SGCZ: variants seen among roughly 807,000 people sequenced by gnomAD.
SGCZ encodes sarcoglycan zeta, also known as zeta-sarcoglycan.
In SGCZ, 40 loss-of-function variants were observed where a neutral mutation model predicts 41.3. The ratio of observed to expected loss-of-function variants is 0.97; its 90% confidence interval spans 0.75 to 1.26. SGCZ has a LOEUF of 1.26. Among genes scored for constraint, SGCZ ranks in the 50% most tolerant of loss-of-function variants. SGCZ has a pLI of 0.00. For missense variants in SGCZ, 552 were observed against 369.8 expected (o/e 1.49, Z -4.04); for synonymous variants, 206 against 137.5 (o/e 1.50, Z -3.49).
chr8:14,382,032 T>C (rs915487913), intron 2 of SGCZ, among the ~76,000 whole-genome samples: 16 of 152,172 alleles, frequency 1.1e-4, no homozygotes, highest in Non-Finnish European at 2.1e-4. Flanking sequence ...TTGCTAACTC[T>C]TGTTGAAATT....
intron 2 of SGCZ, among the ~76,000 whole-genome samples, chr8:14,414,222 G>A (rs75934695): frequency 0.02 from 3,067 of 151,524 alleles, 98 homozygotes; most frequent in African/African-American, 0.068. Flanking sequence ...ACACGCACAC[G>A]CTAGAGAGAG....
chr8:14,961,548 A>G (rs916766794), intron 1 of SGCZ, among the ~76,000 whole-genome samples: 1 of 152,058 alleles, frequency 6.6e-6, no homozygotes, highest in Non-Finnish European at 1.5e-5. Context: ...CTCTCTTATT[A>G]TTTTTGTTAA....
At chr8:14,549,521 TAA>T (rs1803735642) in intron 2 of SGCZ, among the ~76,000 whole-genome samples, 1 of 151,952 alleles carries the variant, frequency 6.6e-6, no homozygotes. Context: ...TTTTAAAACT[TAA>T]AAAAAGTCAG....
chr8:15,060,670 T>TA (rs34503809), intron 1 of SGCZ, among the ~76,000 whole-genome samples: 43 of 144,112 alleles, frequency 3.0e-4, no homozygotes, highest in African/African-American at 7.0e-4. Flanking sequence ...CTTAAAGTAT[T>TA]AAAAAAAAAA....
chr8:14,361,612 G>A (rs4330692), intron 2 of SGCZ, among the ~76,000 whole-genome samples: 136,454 of 152,186 alleles, frequency 0.9, 62,722 homozygotes, highest in Non-Finnish European at 0.99. Context: ...GCTTCCTTGC[G>A]ATGGGTTAGA....
chr8:14,411,381 T>C (rs918884124), intron 2 of SGCZ, among the ~76,000 whole-genome samples: 4 of 152,146 alleles, frequency 2.6e-5, no homozygotes, highest in African/African-American at 7.2e-5. Flanking sequence ...CTGTTACTTA[T>C]GGAAATTCTT....
intron 7 of SGCZ, among the ~76,000 whole-genome samples, chr8:14,092,262 G>T (rs535460810): frequency 6.6e-6 from 1 of 152,110 alleles, no homozygotes; most frequent in East Asian, 1.9e-4. Context: ...GATGCCTCCA[G>T]CTTTGTTCTT....
At position 14,976,202 on chromosome 8, in the gene SGCZ, T is replaced by C. The variant is rs368064499; in HGVS notation, c.39+261383A>G. ...ACACCCGGCTAATTTTTTGTGTTTT[T>C]AGTAGACACATGGTTTCACCATGTT... is the stretch of plus-strand genomic sequence containing the variant. On this transcript the variant is annotated intron_variant, in intron 1 of 7. Transcript: ENST00000382080. Among the ~76,000 whole-genome samples, 99 of 151,878 alleles carry C rather than the reference T, an allele frequency of 6.5e-4. No homozygotes were observed. In the East Asian group the frequency reaches 0.013, roughly 20 times the overall value.
At chr8:15,080,461 C>G (rs1369298752) in intron 1 of SGCZ, among the ~76,000 whole-genome samples, 1 of 152,090 alleles carries the variant, frequency 6.6e-6, no homozygotes, top group African/African-American at 2.4e-5. Context: ...TTGTGCACCC[C>G]CAACGCCAGC....
At chr8:15,112,484 C>G (rs185960244) in intron 1 of SGCZ, among the ~76,000 whole-genome samples, 1 of 152,208 alleles carries the variant, frequency 6.6e-6, no homozygotes, top group Non-Finnish European at 1.5e-5. Context: ...TTAAAAACAT[C>G]TCTTCCTATT....
At chr8:14,915,348 G>C (rs13266627) in intron 1 of SGCZ, among the ~76,000 whole-genome samples, 1 of 152,104 alleles carries the variant, frequency 6.6e-6, no homozygotes, top group African/African-American at 2.4e-5. Flanking sequence ...AAATCACTTA[G>C]GGAGAAAGTA....
chr8:14,199,901 A>C lies in SGCZ; in HGVS notation c.425-35199T>G, dbSNP rs528871494. ...CTATCCATACAATTCTAAAGAAGGA[A>C]AAATAAAATTTGATACTAGTTTTGC... is the stretch of plus-strand genomic sequence containing the variant. On this transcript the variant is annotated intron_variant, in intron 4 of 7. Transcript: ENST00000382080. Among the ~76,000 whole-genome samples, 9 of 152,354 alleles carry C rather than the reference A, an allele frequency of 5.9e-5. No individual in the cohort carries two copies. The South Asian group carries it at 1.7e-3, about 28-fold the overall frequency.
rs1312917736 is a variant in SGCZ at position 14,342,716 on chromosome 8, A to G, written c.235-18512T>C. ...GGAAGCAGAGCATAAAGGCTTGGAA[A>G]TTATGCAGGCTGATTATGTGATAGA... On this transcript the variant is annotated intron_variant, in intron 2 of 7. Coordinates refer to ENST00000382080, the MANE Select transcript of SGCZ (RefSeq NM_139167.4). Among the ~76,000 whole-genome samples, 3 of 152,306 alleles carry G rather than the reference A, an allele frequency of 2.0e-5. No individual in the cohort carries two copies. In the East Asian group the frequency reaches 5.8e-4, roughly 29 times the overall value.
chr8:14,883,098 G>C (rs891672631), intron 1 of SGCZ, among the ~76,000 whole-genome samples: 3 of 151,636 alleles, frequency 2.0e-5, no homozygotes, highest in Admixed American at 2.0e-4. Context: ...AAATTTACAT[G>C]GTCTCTTCTC....
At chr8:14,140,441 C>G (rs1346816224) in intron 5 of SGCZ, among the ~76,000 whole-genome samples, 3 of 152,156 alleles carry the variant, frequency 2.0e-5, no homozygotes, top group Non-Finnish European at 4.4e-5. Flanking sequence ...AGCCCAAAAT[C>G]TCCTTAAGCT....
chr8:14,204,408 G>C (rs1477698726), intron 4 of SGCZ, among the ~76,000 whole-genome samples: 2 of 151,964 alleles, frequency 1.3e-5, no homozygotes, highest in Non-Finnish European at 1.5e-5. Context: ...TATTTGAGCA[G>C]CTCAGGTCTA....
At chr8:14,428,076 G>A (rs185485613) in intron 2 of SGCZ, among the ~76,000 whole-genome samples, 96 of 150,596 alleles carry the variant, frequency 6.4e-4, no homozygotes, top group African/African-American at 2.2e-3. Context: ...ATCAAACCCC[G>A]CAGATACTGA....
chr8:14,785,867 T>C (rs1255429836), intron 1 of SGCZ, among the ~76,000 whole-genome samples: 1 of 152,082 alleles, frequency 6.6e-6, no homozygotes, highest in Non-Finnish European at 1.5e-5. Flanking sequence ...CTCCCAAGGC[T>C]AATTGTGGAA....
intron 1 of SGCZ, among the ~76,000 whole-genome samples, chr8:14,950,047 T>G (rs1800581597): frequency 6.6e-6 from 1 of 152,054 alleles, no homozygotes; most frequent in Non-Finnish European, 1.5e-5. Flanking sequence ...TACTAAAGGC[T>G]TTCAAAACAG....
Sources: allele counts gnomAD v4.1 joint callset (sites outside exome capture counted in the v4.1 genomes callset), GRCh38; gene constraint gnomAD v4.1.1; transcripts MANE v1.5; gene names NCBI Gene and HGNC (gene_info 2026-07-23, HGNC 2026-07-21).